The following COL23A1 variants were observed in gnomAD, a reference collection of about 807,000 sequenced individuals.
COL23A1 encodes the protein collagen alpha-1(XXIII) chain.
COL23A1 carries 97 observed loss-of-function variants against 99.3 expected under a neutral mutation model. The observed-to-expected ratio is 0.98, with a 90% CI of 0.83 to 1.16. COL23A1 has a LOEUF of 1.16. Ranked by LOEUF, COL23A1 falls within the 50% of genes most tolerant of loss-of-function variation. COL23A1 has a pLI of 0.00. For missense variants in COL23A1, 762 were observed against 757.4 expected, an observed-to-expected ratio of 1.01 and a Z score of -0.07; for synonymous variants, 320 against 308.2, an observed-to-expected ratio of 1.04 and a Z score of -0.40.
At position 178,439,934 on chromosome 5, in the gene COL23A1, G is replaced by A. The variant is rs531182221; in HGVS notation, c.361+120748C>T. On this transcript the variant is annotated intron_variant, in intron 2 of 28. Coordinates refer to ENST00000390654, the MANE Select transcript of COL23A1 (RefSeq NM_173465.4). This position sits in a 1 kb window ranked among gnomAD's most constrained non-coding sequence, Gnocchi z 4.2. ...CCAGACACAAAGGACTGGATTGTAG[G>A]AGTCCATGTGTACACGGTTTCTAGA... is the stretch of plus-strand genomic sequence containing the variant. 1 of 152,316 alleles carries A rather than the reference G, an allele frequency of 6.6e-6. No individual in the cohort carries two copies. The highest frequency in any genetic ancestry group is 6.5e-5 in the Admixed American group (1 of 15,296). The allele number at this position is 152,316 out of a possible 1,614,324, so 9.4% of individuals were successfully genotyped here.
intron 2 of COL23A1, among the ~76,000 whole-genome samples, chr5:178,321,430 G>C (rs2127627686): frequency 6.7e-6 from 1 of 149,186 alleles, no homozygotes; most frequent in African/African-American, 2.5e-5. Flanking sequence ...TGAGCATGGT[G>C]TCCTCAAGGT....
chr5:178,412,510 A>G (rs982431144), intron 2 of COL23A1, among the ~76,000 whole-genome samples: 1 of 152,200 alleles, frequency 6.6e-6, no homozygotes, highest in Non-Finnish European at 1.5e-5. Flanking sequence ...TCTACACACA[A>G]TGATTTTGGA....
At chr5:178,510,196 G>C (rs1392394820) in intron 2 of COL23A1, among the ~76,000 whole-genome samples, 2 of 152,242 alleles carry the variant, frequency 1.3e-5, no homozygotes, top group Non-Finnish European at 2.9e-5. Flanking sequence ...GTGCTGGAGA[G>C]ATTGCCCTGA....
At chr5:178,509,166 T>G (rs1759050535) in intron 2 of COL23A1, among the ~76,000 whole-genome samples, 2 of 149,310 alleles carry the variant, frequency 1.3e-5, no homozygotes, top group African/African-American at 4.9e-5. Context: ...CTCAGGCACC[T>G]CCCACCCCCG....
intron 2 of COL23A1, among the ~76,000 whole-genome samples, chr5:178,533,191 G>A (rs967784166): frequency 2.6e-5 from 4 of 152,170 alleles, no homozygotes; most frequent in East Asian, 1.9e-4. Flanking sequence ...TTTTTATTGC[G>A]GTAAAGTGTA....
intron 2 of COL23A1, among the ~76,000 whole-genome samples, chr5:178,466,162 G>C (rs1291396464): frequency 6.6e-6 from 1 of 152,074 alleles, no homozygotes; most frequent in Non-Finnish European, 1.5e-5. Context: ...GCCGGTGTTG[G>C]AGGCCTTCTA....
At chr5:178,472,312 C>A (rs545910331) in intron 2 of COL23A1, among the ~76,000 whole-genome samples, 16 of 152,146 alleles carry the variant, frequency 1.1e-4, no homozygotes, top group Non-Finnish European at 1.5e-4. Flanking sequence ...CACAGTCTAT[C>A]CCAATGTGCA....
rs1755819947 is a variant in COL23A1 at position 178,265,339 on chromosome 5, G to A, written c.522+1968C>T. On this transcript the variant is annotated intron_variant, in intron 8 of 28. Transcript: ENST00000390654. ...TTTGGTTAGGTCACCAGGTATGGGT[G>A]GTGATGGTGGCGGGTGATTCCTGTT... Among the ~76,000 whole-genome samples, 3 of 152,202 alleles carry A rather than the reference G, an allele frequency of 2.0e-5. No homozygotes were observed. In the South Asian group the frequency reaches 6.2e-4, roughly 32 times the overall value.
intron 1 of COL23A1, among the ~76,000 whole-genome samples, chr5:178,580,725 A>G (rs1025481027): frequency 3.3e-5 from 5 of 152,240 alleles, no homozygotes; most frequent in African/African-American, 1.2e-4. Flanking sequence ...ATGCTGCTCA[A>G]GAAAGGTTTC....
chr5:178,516,901 G>A (rs753268472), intron 2 of COL23A1, among the ~76,000 whole-genome samples: 17 of 152,188 alleles, frequency 1.1e-4, no homozygotes, highest in Non-Finnish European at 1.9e-4. Context: ...CTGTGTGTGC[G>A]ACCAGTAGCT....
chr5:178,535,486 C>T (rs1484104377), intron 2 of COL23A1, among the ~76,000 whole-genome samples: 1 of 152,250 alleles, frequency 6.6e-6, no homozygotes, highest in East Asian at 1.9e-4. Flanking sequence ...CTGTATACCG[C>T]ATGCCAGGCA....
rs1311823019 is a variant in COL23A1 at position 178,552,161 on chromosome 5, C to T, written c.361+8521G>A. Among the ~76,000 whole-genome samples the T allele has an allele frequency of 2.6e-5, 4 of 152,190 alleles. No individual in the cohort carries two copies. The East Asian group carries it at 5.8e-4, about 22-fold the overall frequency. On this transcript the variant is annotated intron_variant, in intron 2 of 28. Coordinates refer to ENST00000390654, the MANE Select transcript of COL23A1 (RefSeq NM_173465.4). ...CTGTAGGACTGGTGTTTCCTCAGGGCTCATCCTATTCTCCGCATCTGTTAT... is the reference window on the plus strand; with the variant it reads ...CTGTAGGACTGGTGTTTCCTCAGGGTTCATCCTATTCTCCGCATCTGTTAT...
chr5:178,356,322 G>A, intron 2 of COL23A1, among the ~76,000 whole-genome samples: 1 of 152,202 alleles, frequency 6.6e-6, no homozygotes, highest in East Asian at 1.9e-4. Flanking sequence ...CACGAGTGGT[G>A]CACTTTAAAC....
chr5:178,274,697 CG>C (rs1756489503), intron 5 of COL23A1, among the ~76,000 whole-genome samples: 1 of 152,140 alleles, frequency 6.6e-6, no homozygotes, highest in Admixed American at 6.5e-5. Context: ...GAAAGTAGCT[CG>C]GGGAGGTTTA....
chr5:178,299,597 C>G (rs1244580170), intron 3 of COL23A1, among the ~76,000 whole-genome samples: 1 of 151,966 alleles, frequency 6.6e-6, no homozygotes, highest in East Asian at 1.9e-4. Context: ...AAAGAATCAA[C>G]TTTTGGTTTT....
chr5:178,443,166 AAAGTCACTG>A (rs2127844538), intron 2 of COL23A1: 1 of 152,298 alleles, frequency 6.6e-6, no homozygotes, highest in East Asian at 1.9e-4. Flanking sequence ...GAAACCCATT[AAAGTCACTG>A]CGGCAGAACC....
intron 3 of COL23A1, among the ~76,000 whole-genome samples, chr5:178,291,666 C>A (rs1164139649): frequency 6.6e-6 from 1 of 151,836 alleles, no homozygotes; most frequent in Non-Finnish European, 1.5e-5. Flanking sequence ...AAGGGCTCTG[C>A]AAGGAGGAGC....
rs1249230387 is a variant in COL23A1, at chr5:178,255,016, C to T, written c.893G>A (p.Gly298Asp). 2.5e-6 allele frequency: 4 copies of T among 1,613,310 alleles called. No homozygotes were observed. The highest frequency in any genetic ancestry group is 1.7e-6 in the Non-Finnish European group (2 of 1,179,528). ...DGAAGPRGAP[G>D]LKGEQGDTVV... ...TGTGTCTCCCTGCTCGCCCTTGAGG[C>T]CTGGGGCACCCTGAGGCAGGAAGAA... The change falls in exon 16 of 29, where the codon GGC becomes GAC. Residue 298 changes from glycine (G) to aspartate (D), a missense_variant. Transcript: ENST00000390654. This position sits in a 1 kb window ranked among gnomAD's most constrained non-coding sequence, Gnocchi z 4.2.
At chr5:178,447,467 T>G (rs552628014) in intron 2 of COL23A1, among the ~76,000 whole-genome samples, 1 of 152,342 alleles carries the variant, frequency 6.6e-6, no homozygotes, top group Non-Finnish European at 1.5e-5. Flanking sequence ...ATACCATATT[T>G]TTACTGCACT....
Sources: allele counts gnomAD v4.1 joint callset (sites outside exome capture counted in the v4.1 genomes callset), GRCh38; gene constraint gnomAD v4.1.1; non-coding constraint Gnocchi (gnomAD v3.1); transcripts MANE v1.5; gene names NCBI Gene and HGNC (gene_info 2026-07-23, HGNC 2026-07-21).